Variants in SCLY observed in about 807,000 individuals in gnomAD.
SCLY encodes the protein putative selenocysteine lyase.
In SCLY, 38 loss-of-function variants were observed where a neutral mutation model predicts 50.1. The observed-to-expected ratio is 0.76, with a 90% CI of 0.59 to 0.99. The LOEUF (loss-of-function observed/expected upper bound fraction) is 0.99, where lower values mean the gene tolerates loss of function less well. Ranked by LOEUF, SCLY falls within the 50% of genes least tolerant of loss-of-function variation. SCLY has a pLI of 0.00. For synonymous variants in SCLY, 243 were observed against 249.4 expected, an observed-to-expected ratio of 0.97 and a Z score of 0.24; for missense variants, 600 against 620.0, an observed-to-expected ratio of 0.97 and a Z score of 0.34.
In SCLY at chr2:238,061,012, T is replaced by C. The variant is rs2106432388; in HGVS notation, c.-43T>C. On this transcript the variant is annotated 5_prime_UTR_variant, in exon 1 of 12. Transcript: ENST00000254663. ...CCCCGGCGCTCTGGGCCCGTAGCGC[T>C]CCGCGGGAAGGAGGCTGGATGCCCG... 7.5e-7 allele frequency: 1 copy of C among 1,338,096 alleles called. No homozygotes were observed. Among genetic ancestry groups the C allele is most frequent in the Non-Finnish European group, 9.6e-7 (1 of 1,045,354 alleles). 82.9% of individuals were successfully genotyped at this position (1,338,096 alleles called of 1,614,324 possible).
intron 7 of SCLY, among the ~76,000 whole-genome samples, chr2:238,087,221 A>T (rs2065308091): frequency 6.6e-6 from 1 of 151,772 alleles, no homozygotes; most frequent in African/African-American, 2.4e-5. Flanking sequence ...GCTATGTGGG[A>T]GGCTGAGATA....
At chr2:238,091,320 G>A in intron 8 of SCLY, 66 bp downstream of exon 8, 1 of 1,319,546 alleles carries the variant, frequency 7.6e-7, no homozygotes, top group Non-Finnish European at 1.1e-6. Context: ...AGCGGCTCTA[G>A]TAGGAATCTG....
Position 238,096,836 on chromosome 2 carries a change from G to A in SCLY, c.1144G>A (p.Ala382Thr), listed in dbSNP as rs1574718882. 1 of 1,612,574 alleles carries A rather than the reference G, an allele frequency of 6.2e-7. No homozygotes were observed. The highest frequency in any genetic ancestry group is 2.2e-5 in the East Asian group (1 of 44,864). Residue 382 changes from alanine to threonine, a missense_variant, in exon 11 of 12, where the codon GCC becomes ACC. Coordinates refer to ENST00000254663, the MANE Select transcript of SCLY (RefSeq NM_016510.7). ...VVLAQCRVLM[A>T]SVGAACHSDH... ...GCTTGCGCAGTGCCGAGTGCTGATG[G>A]CCAGTGTGGGGGCCGCGTGCCACTC...
chr2:238,089,409 C>T (rs1316399790), intron 7 of SCLY, among the ~76,000 whole-genome samples: 3 of 152,136 alleles, frequency 2.0e-5, no homozygotes, highest in Middle Eastern at 3.4e-3. Flanking sequence ...ATATGAGTTA[C>T]GGGTGCAGAT....
At chr2:238,086,162 A>G (rs2065295802) in intron 7 of SCLY, among the ~76,000 whole-genome samples, 1 of 152,234 alleles carries the variant, frequency 6.6e-6, no homozygotes, top group South Asian at 2.1e-4. Flanking sequence ...CCCAGTGAAT[A>G]TATCTTTCAG....
chr2:238,076,180 C>A (rs1008771593), intron 4 of SCLY, among the ~76,000 whole-genome samples: 3 of 151,882 alleles, frequency 2.0e-5, no homozygotes, highest in African/African-American at 7.3e-5. Flanking sequence ...CAACCTCCAC[C>A]TCCCAGATTT....
intron 8 of SCLY, chr2:238,091,791 A>G (rs1225899132): frequency 1.9e-5 from 3 of 161,892 alleles, no homozygotes; most frequent in Non-Finnish European, 4.1e-5. Context: ...GCAACCCTCC[A>G]TGAACCACAG....
chr2:238,070,264 G>A (rs996000115), intron 4 of SCLY, among the ~76,000 whole-genome samples: 6 of 152,204 alleles, frequency 3.9e-5, no homozygotes, highest in Admixed American at 3.9e-4. Flanking sequence ...TTCTCAACCT[G>A]AGTTTTCTTG....
At chr2:238,086,747 C>T (rs541385805) in intron 7 of SCLY, among the ~76,000 whole-genome samples, 10 of 145,992 alleles carry the variant, frequency 6.8e-5, no homozygotes, top group South Asian at 2.2e-4. Flanking sequence ...TGGCCAGGCA[C>T]GGTGGCTCAC....
intron 6 of SCLY, among the ~76,000 whole-genome samples, chr2:238,082,423 G>C (rs1414929337): frequency 1.3e-5 from 2 of 152,220 alleles, no homozygotes; most frequent in Non-Finnish European, 2.9e-5. Context: ...TGATGGGGGG[G>C]GTGCCCAGCC....
intron 4 of SCLY, among the ~76,000 whole-genome samples, chr2:238,074,267 C>T (rs140503830): frequency 3.6e-4 from 54 of 151,644 alleles, no homozygotes; most frequent in African/African-American, 1.3e-3. Context: ...GATGGTGTCA[C>T]CACACTCCAG....
At chr2:238,097,581 G>GCTTTTC (rs2065452768) in intron 11 of SCLY, among the ~76,000 whole-genome samples, 3 of 152,084 alleles carry the variant, frequency 2.0e-5, no homozygotes, top group Non-Finnish European at 4.4e-5. Flanking sequence ...ACAGTGGTGG[G>GCTTTTC]CCTGGCTCCA....
At chr2:238,082,515 G>T (rs1393017360) in intron 6 of SCLY, among the ~76,000 whole-genome samples, 2 of 152,214 alleles carry the variant, frequency 1.3e-5, no homozygotes, top group Non-Finnish European at 2.9e-5. Context: ...AGGGGGTTCG[G>T]CCAGGCAGCG....
At chr2:238,073,837 CTTAA>C (rs772313222) in intron 4 of SCLY, 12 of 451,906 alleles carry the variant, frequency 2.7e-5, no homozygotes, top group Middle Eastern at 6.8e-4. Context: ...TCTGCTTCCA[CTTAA>C]TTAATAGTAA....
At chr2:238,065,925 G>A (rs1001144782) in intron 2 of SCLY, among the ~76,000 whole-genome samples, 1 of 151,884 alleles carries the variant, frequency 6.6e-6, no homozygotes, top group African/African-American at 2.4e-5. Context: ...CACCCACCTC[G>A]GCCTCCCACA....
At chr2:238,068,336 C>T in intron 3 of SCLY, 171 bp downstream of exon 3, 1 of 502,900 alleles carries the variant, frequency 2.0e-6, no homozygotes, top group Non-Finnish European at 3.4e-6. Context: ...GTTGGTTGAG[C>T]CCAGGAGTTT....
intron 6 of SCLY, chr2:238,082,636 C>T (rs1211009606): frequency 1.1e-5 from 2 of 188,276 alleles, no homozygotes; most frequent in African/African-American, 4.7e-5. Flanking sequence ...CTCAGCAAAA[C>T]CTTTGCAGCT....
Position 238,068,357 on chromosome 2 carries a change from T to C in SCLY, c.303+192T>C, listed in dbSNP as rs1045154678. On this transcript the variant is annotated intron_variant, in intron 3 of 11. Coordinates refer to ENST00000254663, the MANE Select transcript of SCLY (RefSeq NM_016510.7). ...TGAGCCCAGGAGTTTGCGACCTCCCTGAGCAACATAGGGAAAGTCCATCTC... is the reference window on the plus strand; with the variant it reads ...TGAGCCCAGGAGTTTGCGACCTCCCCGAGCAACATAGGGAAAGTCCATCTC... 2.8e-5 allele frequency: 12 copies of C among 427,664 alleles called. No individual in the cohort carries two copies. The Admixed American group carries it at 3.1e-4, about 11-fold the overall frequency. 26.5% of individuals were successfully genotyped at this position (427,664 alleles called of 1,614,324 possible). A position where few individuals can be genotyped will look rare whatever the true frequency, so the allele number is the denominator to read the frequency against.
chr2:238,067,663 C>T lies in SCLY; in HGVS notation c.203-402C>T, dbSNP rs1236941308. On this transcript the variant is annotated intron_variant, in intron 2 of 11. Transcript: ENST00000254663. The surrounding 1 kb of genome is among the most constrained non-coding windows in gnomAD (Gnocchi z 4.3). Reference sequence around the variant, plus strand: ...CGTCGAGTCATGAGTTCTGTTTTTGCTTATTTTTGTTGTTTGCAACTCATT... The same window carrying T: ...CGTCGAGTCATGAGTTCTGTTTTTGTTTATTTTTGTTGTTTGCAACTCATT... Among the ~76,000 whole-genome samples, 2 of 152,196 alleles carry T rather than the reference C, an allele frequency of 1.3e-5. No individual in the cohort carries two copies. The highest frequency in any genetic ancestry group is 2.9e-5 in the Non-Finnish European group (2 of 68,024).
Sources: gnomAD v4.1 joint callset for allele counts (sites outside exome capture counted in the v4.1 genomes callset) on GRCh38, gnomAD v4.1.1 for gene constraint, Gnocchi (gnomAD v3.1) non-coding constraint, MANE v1.5 for transcripts, NCBI Gene and HGNC (gene_info 2026-07-23, HGNC 2026-07-21) for gene names.